NRXN3: variants seen among roughly 807,000 people sequenced by gnomAD.
NRXN3 encodes the protein neurexin III.
Under a neutral mutation model 137.6 loss-of-function variants are expected in NRXN3, and 32 were observed. The ratio of observed to expected loss-of-function variants is 0.23; its 90% confidence interval spans 0.18 to 0.31. The LOEUF (loss-of-function observed/expected upper bound fraction) is 0.31, where lower values mean the gene tolerates loss of function less well. NRXN3 is among the 10% of genes least tolerant of loss of function. NRXN3 has a pLI of 1.00. For synonymous variants in NRXN3, 798 were observed against 784.5 expected (o/e 1.02, Z -0.29); for missense variants, 1,574 against 2,062.5 (o/e 0.76, Z 4.59).
intron 4 of NRXN3, among the ~76,000 whole-genome samples, chr14:78,602,727 C>T (rs912537057): frequency 1.3e-5 from 2 of 152,192 alleles, no homozygotes; most frequent in African/African-American, 4.8e-5. Flanking sequence ...CCCACACCGG[C>T]CCATGAGGGC....
At chr14:79,089,191 C>T (rs1019404647) in intron 15 of NRXN3, among the ~76,000 whole-genome samples, 1 of 152,094 alleles carries the variant, frequency 6.6e-6, no homozygotes, top group East Asian at 1.9e-4. Context: ...GAGACATGTA[C>T]CCCTTGCTTC....
chr14:79,619,880 TG>T (rs2098203357), intron 16 of NRXN3, among the ~76,000 whole-genome samples: 1 of 152,144 alleles, frequency 6.6e-6, no homozygotes, highest in Non-Finnish European at 1.5e-5. Flanking sequence ...GAGTGGTCTG[TG>T]GGTTTTTAGA....
chr14:78,276,723 A>G (rs1262753163), intron 2 of NRXN3, among the ~76,000 whole-genome samples: 1 of 152,196 alleles, frequency 6.6e-6, no homozygotes, highest in African/African-American at 2.4e-5. Context: ...GCAAGTAACC[A>G]GTATCGAAAA....
At chr14:78,650,609 C>G (rs1002175384) in intron 5 of NRXN3, among the ~76,000 whole-genome samples, 1 of 151,538 alleles carries the variant, frequency 6.6e-6, no homozygotes, top group African/African-American at 2.4e-5. Context: ...AGACCCTTCT[C>G]CTTCCCTCCC....
intron 8 of NRXN3, among the ~76,000 whole-genome samples, chr14:78,724,522 G>C (rs1222182531): frequency 6.7e-6 from 1 of 149,676 alleles, no homozygotes; most frequent in East Asian, 1.9e-4. Flanking sequence ...AGGCCTCCAG[G>C]TGGGAAATGA....
At chr14:78,823,051 T>C (rs1335967458) in intron 10 of NRXN3, among the ~76,000 whole-genome samples, 1 of 152,198 alleles carries the variant, frequency 6.6e-6, no homozygotes, top group Non-Finnish European at 1.5e-5. Context: ...CTCGAAGGCA[T>C]TGTCTATTTC....
chr14:79,544,015 G>A (rs1005681730), intron 16 of NRXN3, among the ~76,000 whole-genome samples: 3 of 152,170 alleles, frequency 2.0e-5, no homozygotes, highest in Non-Finnish European at 4.4e-5. Context: ...GAATGGCTTT[G>A]TGAATGCAAA....
intron 19 of NRXN3, among the ~76,000 whole-genome samples, chr14:79,774,813 C>T (rs999358944): frequency 6.6e-6 from 1 of 152,040 alleles, no homozygotes; most frequent in African/African-American, 2.4e-5. Flanking sequence ...AATCTTTGCT[C>T]TCTATTTTGT....
At chr14:79,014,147 G>C (rs1339186152) in intron 15 of NRXN3, among the ~76,000 whole-genome samples, 1 of 152,232 alleles carries the variant, frequency 6.6e-6, no homozygotes, top group Admixed American at 6.5e-5. Context: ...TACATGTGCA[G>C]GTTTCTTACT....
chr14:78,325,688 G>A (rs1362226323), intron 4 of NRXN3, among the ~76,000 whole-genome samples: 2 of 152,026 alleles, frequency 1.3e-5, no homozygotes, highest in Non-Finnish European at 2.9e-5. Context: ...AAAGCCTAGG[G>A]TCAGGGGATC....
In NRXN3 at chr14:78,570,327, C is replaced by G. The variant is rs147654911; in HGVS notation, c.758-74793C>G. On this transcript the variant is annotated intron_variant, in intron 4 of 20. Transcript: ENST00000335750. ...GGGCTATCACCAGAAGCTGACCATG[C>G]TGGCACCATAATCTTAGACTTCCAG... Among the ~76,000 whole-genome samples, 50 of 152,294 alleles carry G rather than the reference C, an allele frequency of 3.3e-4. No homozygotes were observed. The East Asian group carries it at 8.7e-3, about 26-fold the overall frequency.
intron 4 of NRXN3, among the ~76,000 whole-genome samples, chr14:78,480,551 G>T (rs1010765800): frequency 1.3e-5 from 2 of 152,048 alleles, no homozygotes; most frequent in African/African-American, 4.8e-5. Flanking sequence ...TATAAAAATT[G>T]TTTTCACAGT....
intron 2 of NRXN3, among the ~76,000 whole-genome samples, chr14:78,266,521 T>A (rs1040296697): frequency 1.3e-5 from 2 of 152,104 alleles, no homozygotes; most frequent in East Asian, 1.9e-4. Flanking sequence ...ATGGTCTTGA[T>A]CTCCTGACCT....
intron 8 of NRXN3, among the ~76,000 whole-genome samples, chr14:78,750,555 A>G (rs1487236603): frequency 6.6e-6 from 1 of 152,220 alleles, no homozygotes; most frequent in Admixed American, 6.5e-5. Context: ...CTGTATGTCA[A>G]TAAGGTCTTG....
At chr14:79,457,912 G>T (rs1253473032) in intron 15 of NRXN3, among the ~76,000 whole-genome samples, 1 of 152,150 alleles carries the variant, frequency 6.6e-6, no homozygotes, top group Non-Finnish European at 1.5e-5. Context: ...CATGTCTCAT[G>T]TCATCAGAAG....
intron 4 of NRXN3, among the ~76,000 whole-genome samples, chr14:78,502,205 A>T (rs910556605): frequency 6.6e-6 from 1 of 152,098 alleles, no homozygotes; most frequent in Non-Finnish European, 1.5e-5. Context: ...CAATCACGTG[A>T]ACAGTATTTC....
At chr14:78,808,270 C>T (rs2098889498) in intron 9 of NRXN3, among the ~76,000 whole-genome samples, 1 of 152,218 alleles carries the variant, frequency 6.6e-6, no homozygotes. Flanking sequence ...TACATGAAAT[C>T]ATTTGAGTGA....
intron 15 of NRXN3, among the ~76,000 whole-genome samples, chr14:78,990,606 C>T (rs1268793656): frequency 2.6e-5 from 4 of 151,888 alleles, no homozygotes; most frequent in South Asian, 2.1e-4. Flanking sequence ...CTCCTGACCT[C>T]GTGATCCGCC....
At chr14:79,398,477 G>T (rs972419037) in intron 15 of NRXN3, among the ~76,000 whole-genome samples, 5 of 151,642 alleles carry the variant, frequency 3.3e-5, no homozygotes, top group African/African-American at 1.2e-4. Context: ...ACATCTCAGT[G>T]TAGTAAGCAG....
Sources: gnomAD v4.1 joint callset for allele counts (sites outside exome capture counted in the v4.1 genomes callset) on GRCh38, gnomAD v4.1.1 for gene constraint, MANE v1.5 for transcripts, NCBI Gene and HGNC (gene_info 2026-07-23, HGNC 2026-07-21) for gene names.